Variants in STRBP observed in about 807,000 individuals in gnomAD.
STRBP encodes spermatid perinuclear RNA-binding protein.
Under a neutral mutation model 80.1 loss-of-function variants are expected in STRBP, and 13 were observed. That is an observed-to-expected ratio of 0.16 (90% CI 0.11 to 0.26). STRBP has a LOEUF of 0.26. Ranked by LOEUF, STRBP falls within the 10% of genes least tolerant of loss-of-function variation. The probability of loss-of-function intolerance (pLI) is 1.00; values close to 1 mark genes in which losing one functional copy is unlikely to be tolerated. For missense variants in STRBP, 485 were observed against 815.2 expected (o/e 0.59, Z 4.93); for synonymous variants, 284 against 291.2 (o/e 0.98, Z 0.25).
intron 2 of STRBP, among the ~76,000 whole-genome samples, chr9:123,208,122 T>G (rs2039586329): frequency 6.6e-6 from 1 of 152,014 alleles, no homozygotes; most frequent in African/African-American, 2.4e-5. Flanking sequence ...GTAAGTTTTT[T>G]TTTTTTTTTT....
chr9:123,246,951 A>G (rs2040811466), intron 1 of STRBP, among the ~76,000 whole-genome samples: 1 of 152,248 alleles, frequency 6.6e-6, no homozygotes, highest in East Asian at 1.9e-4. Flanking sequence ...TCACCAATAT[A>G]GTAAAATATC....
chr9:123,217,619 A>C (rs2039938852), intron 2 of STRBP, among the ~76,000 whole-genome samples: 1 of 152,236 alleles, frequency 6.6e-6, no homozygotes, highest in East Asian at 1.9e-4. Flanking sequence ...ATTCTAATCA[A>C]TGCAAACAGT....
At chr9:123,133,545 GTTTTT>G (rs80271954) in intron 16 of STRBP, among the ~76,000 whole-genome samples, 1 of 146,638 alleles carries the variant, frequency 6.8e-6, no homozygotes, top group African/African-American at 2.5e-5. Flanking sequence ...TCTTTTTTTG[GTTTTT>G]TTTTTTGAGA....
At chr9:123,173,648 G>C in intron 5 of STRBP, 29 bp downstream of exon 5, 1 of 1,560,156 alleles carries the variant, frequency 6.4e-7, no homozygotes, top group Non-Finnish European at 8.6e-7. Flanking sequence ...TTACAAATTC[G>C]CCTAGAGGTG....
Position 123,139,647 on chromosome 9 carries a change from T to C in STRBP, c.1379A>G (p.Asp460Gly). The C allele has an allele frequency of 6.2e-7, 1 of 1,612,702 alleles. No homozygotes were observed. The highest frequency in any genetic ancestry group is 8.5e-7 in the Non-Finnish European group (1 of 1,179,792). Residue 460 changes from aspartate (D) to glycine (G), a missense_variant, in exon 14 of 19, where the codon GAT becomes GGT. By Grantham distance (94) the Asp-to-Gly change is moderately conservative. Coordinates refer to ENST00000348403, the MANE Select transcript of STRBP (RefSeq NM_018387.5). ...TTCATCGGAACTCATACATTCAATATCTGCATCAAAGCCTGTTGGATATCC... is the reference window on the plus strand; with the variant it reads ...TTCATCGGAACTCATACATTCAATACCTGCATCAAAGCCTGTTGGATATCC... ...AMGYPTGFDA[D>G]IECMSSDEKS... is the part of the protein sequence containing the mutation.
At chr9:123,169,298 A>G (rs1204968037) in intron 6 of STRBP, among the ~76,000 whole-genome samples, 2 of 151,346 alleles carry the variant, frequency 1.3e-5, no homozygotes, top group Non-Finnish European at 2.9e-5. Flanking sequence ...CCTCCCGAGT[A>G]GCTGGGATTA....
intron 2 of STRBP, among the ~76,000 whole-genome samples, chr9:123,191,271 G>C (rs2038914034): frequency 6.6e-6 from 1 of 152,096 alleles, no homozygotes; most frequent in Admixed American, 6.6e-5. Flanking sequence ...GACTTGATGG[G>C]GTTAACAGCC....
At chr9:123,215,781 T>C (rs981807216) in intron 2 of STRBP, among the ~76,000 whole-genome samples, 3 of 152,110 alleles carry the variant, frequency 2.0e-5, no homozygotes, top group African/African-American at 7.2e-5. Flanking sequence ...CGAAACTCCA[T>C]CTCAAAAAAA....
chr9:123,174,771 ACACT>A, intron 4 of STRBP, among the ~76,000 whole-genome samples: 1 of 152,362 alleles, frequency 6.6e-6, no homozygotes, highest in South Asian at 2.1e-4. Context: ...AAAAGAGCAA[ACACT>A]CAAAGAAATC....
chr9:123,265,192 GT>G (rs965961040), intron 1 of STRBP, among the ~76,000 whole-genome samples: 14 of 148,848 alleles, frequency 9.4e-5, no homozygotes, highest in South Asian at 4.3e-4. Flanking sequence ...TTGCTTCCAG[GT>G]TTTTTTTTTA....
chr9:123,152,144 T>C (rs1331348203), intron 11 of STRBP, among the ~76,000 whole-genome samples: 1 of 152,164 alleles, frequency 6.6e-6, no homozygotes, highest in Non-Finnish European at 1.5e-5. Flanking sequence ...GGGAATCAGA[T>C]CCGTAATTTA....
At chr9:123,241,367 T>C (rs960618396) in intron 1 of STRBP, among the ~76,000 whole-genome samples, 2 of 151,574 alleles carry the variant, frequency 1.3e-5, no homozygotes, top group African/African-American at 4.9e-5. Context: ...ATTAGCTGGT[T>C]GTGGTGGTGC....
rs183957551 is a variant in STRBP, at chr9:123,133,760, G to T, written c.1774-792C>A. On this transcript the variant is annotated intron_variant, in intron 16 of 18. Transcript: ENST00000348403. ...TCACCATGTTGACCAGGCTGGTCTT[G>T]ACTCCTGACCTCAAGTGATCTGCCC... 6.6e-5 allele frequency among the ~76,000 whole-genome samples: 10 copies of T among 152,048 alleles called. No homozygotes were observed. In the East Asian group the frequency reaches 1.7e-3, roughly 26 times the overall value.
chr9:123,139,485 T>C (rs2036498838), intron 14 of STRBP, 44 bp downstream of exon 14: 1 of 1,453,768 alleles, frequency 6.9e-7, no homozygotes, highest in Non-Finnish European at 9.1e-7. Context: ...TTTCCTACAA[T>C]GCACATATAT....
intron 2 of STRBP, among the ~76,000 whole-genome samples, chr9:123,193,914 T>C (rs768423529): frequency 6.6e-6 from 1 of 152,204 alleles, no homozygotes; most frequent in Non-Finnish European, 1.5e-5. Flanking sequence ...ATCATGCTAA[T>C]TAGTCTTTTT....
At chr9:123,219,580 A>T (rs1463581239) in intron 2 of STRBP, among the ~76,000 whole-genome samples, 1 of 152,266 alleles carries the variant, frequency 6.6e-6, no homozygotes, top group South Asian at 2.1e-4. Flanking sequence ...CTCAGTTCAT[A>T]GCAAAGTTAT....
chr9:123,184,561 A>C (rs966976532), intron 2 of STRBP, among the ~76,000 whole-genome samples: 1 of 152,220 alleles, frequency 6.6e-6, no homozygotes, highest in Non-Finnish European at 1.5e-5. Context: ...ACATTTGCAA[A>C]GAGATTCAGT....
chr9:123,133,060 T>G (rs2036207849), intron 16 of STRBP, 92 bp from the exon 17 acceptor site: 1 of 1,501,030 alleles, frequency 6.7e-7, no homozygotes, highest in African/African-American at 1.4e-5. Flanking sequence ...TATGAGAAAC[T>G]GTGAGCACGT....
chr9:123,221,271 C>T (rs1449834120), intron 2 of STRBP, among the ~76,000 whole-genome samples: 2 of 152,214 alleles, frequency 1.3e-5, no homozygotes, highest in South Asian at 2.1e-4. Context: ...TTTGCCATTC[C>T]TCCCACATCT....
Sources: allele counts gnomAD v4.1 joint callset (sites outside exome capture counted in the v4.1 genomes callset), GRCh38; gene constraint gnomAD v4.1.1; transcripts MANE v1.5; gene names NCBI Gene and HGNC (gene_info 2026-07-23, HGNC 2026-07-21).